The following HSD17B4 variants were observed in gnomAD, a reference collection of about 807,000 sequenced individuals.
HSD17B4 encodes the protein hydroxysteroid 17-beta dehydrogenase 4, also known as peroxisomal multifunctional enzyme type 2.
HSD17B4 carries 70 observed loss-of-function variants against 101.0 expected under a neutral mutation model. The observed-to-expected ratio is 0.69, with a 90% CI of 0.57 to 0.85. HSD17B4 has a LOEUF of 0.85. HSD17B4 is among the 40% of genes least tolerant of loss of function. The pLI is 0.00. For missense variants in HSD17B4, 984 were observed against 892.4 expected, an observed-to-expected ratio of 1.10 and a Z score of -1.31; for synonymous variants, 347 against 297.1, an observed-to-expected ratio of 1.17 and a Z score of -1.73.
At chr5:119,538,875 A>G (rs748809631) in intron 23 of HSD17B4, among the ~76,000 whole-genome samples, 1 of 152,258 alleles carries the variant, frequency 6.6e-6, no homozygotes, top group Non-Finnish European at 1.5e-5. Context: ...ACAGGCTTTA[A>G]TTATTTGTTT....
intron 1 of HSD17B4, among the ~76,000 whole-genome samples, chr5:119,453,549 T>C (rs928956889): frequency 6.6e-6 from 1 of 152,250 alleles, no homozygotes; most frequent in African/African-American, 2.4e-5. Flanking sequence ...TATGCACCTT[T>C]GATTCTCCAC....
intron 22 of HSD17B4, among the ~76,000 whole-genome samples, chr5:119,533,810 A>G (rs1427379060): frequency 6.6e-6 from 1 of 152,238 alleles, no homozygotes; most frequent in South Asian, 2.1e-4. Flanking sequence ...GCAGGAAGAA[A>G]ATGGAAGGAA....
chr5:119,497,482 C>G (rs2945327), intron 12 of HSD17B4, among the ~76,000 whole-genome samples: 59,470 of 151,946 alleles, frequency 0.39, 13,313 homozygotes, highest in East Asian at 0.5. Flanking sequence ...TTTAAATTGA[C>G]TTTAAGTAGA....
At chr5:119,492,037 T>G in intron 9 of HSD17B4, 63 bp from the exon 10 acceptor site, 1 of 1,367,290 alleles carries the variant, frequency 7.3e-7, no homozygotes, top group Non-Finnish European at 1.0e-6. Flanking sequence ...TTTTTCTAAT[T>G]AAAACAATTG....
At chr5:119,463,433 A>G (rs1755464577) in intron 2 of HSD17B4, among the ~76,000 whole-genome samples, 1 of 151,194 alleles carries the variant, frequency 6.6e-6, no homozygotes, top group Non-Finnish European at 1.5e-5. Flanking sequence ...TAACCTCCAT[A>G]CTATTTTCCA....
chr5:119,479,367 T>C (rs1748902082), intron 8 of HSD17B4, among the ~76,000 whole-genome samples: 2 of 152,136 alleles, frequency 1.3e-5, no homozygotes, highest in Non-Finnish European at 2.9e-5. Context: ...TACAGAAAAA[T>C]TGTACAGAGA....
At chr5:119,501,159 A>G (rs1464056905) in intron 13 of HSD17B4, among the ~76,000 whole-genome samples, 3 of 152,134 alleles carry the variant, frequency 2.0e-5, no homozygotes, top group Non-Finnish European at 4.4e-5. Context: ...CAAATGTTTC[A>G]AAATTCCCCC....
chr5:119,488,397 G>A (rs1749798187), intron 8 of HSD17B4, among the ~76,000 whole-genome samples: 1 of 152,008 alleles, frequency 6.6e-6, no homozygotes, highest in Non-Finnish European at 1.5e-5. Context: ...TTAGATAGAA[G>A]GAATAAATTC....
At chr5:119,460,223 G>C (rs1256725839) in intron 2 of HSD17B4, among the ~76,000 whole-genome samples, 1 of 152,280 alleles carries the variant, frequency 6.6e-6, no homozygotes, top group Admixed American at 6.5e-5. Context: ...ATTTCAATGT[G>C]AGTTTTGGAG....
intron 18 of HSD17B4, chr5:119,525,591 A>G (rs934789906): frequency 3.9e-6 from 2 of 511,592 alleles, no homozygotes; most frequent in Non-Finnish European, 7.0e-6. Context: ...AGGAACTGAA[A>G]GGTTAGGGAA....
At chr5:119,507,058 A>G (rs1751717704) in intron 15 of HSD17B4, among the ~76,000 whole-genome samples, 169 bp downstream of exon 15, 1 of 152,194 alleles carries the variant, frequency 6.6e-6, no homozygotes, top group African/African-American at 2.4e-5. Flanking sequence ...AAGGAGGGGG[A>G]GAAGCATTTA....
intron 17 of HSD17B4, among the ~76,000 whole-genome samples, chr5:119,523,771 A>T (rs1198199328): frequency 6.6e-6 from 1 of 152,190 alleles, no homozygotes; most frequent in African/African-American, 2.4e-5. Context: ...TTTATCAAAG[A>T]TAATACCTTG....
At chr5:119,485,663 TA>T (rs1749552906) in intron 8 of HSD17B4, among the ~76,000 whole-genome samples, 1 of 152,206 alleles carries the variant, frequency 6.6e-6, no homozygotes, top group African/African-American at 2.4e-5. Context: ...AAGAACCAGA[TA>T]TTATGAGTAA....
chr5:119,475,001 C>T (rs1462445997), intron 4 of HSD17B4, among the ~76,000 whole-genome samples: 2 of 152,106 alleles, frequency 1.3e-5, no homozygotes, highest in Non-Finnish European at 2.9e-5. Context: ...TAGATGGAGA[C>T]ATCACGGAAC....
intron 14 of HSD17B4, 40 bp downstream of exon 14, chr5:119,502,132 T>C (rs936063233): frequency 1.6e-6 from 2 of 1,277,442 alleles, no homozygotes; most frequent in Admixed American, 1.7e-5. Context: ...ACCATACTTT[T>C]ATTTCCAGAT....
intron 6 of HSD17B4, chr5:119,476,588 T>C: frequency 2.0e-6 from 2 of 985,246 alleles, no homozygotes; most frequent in Middle Eastern, 5.2e-4. Context: ...GTCTTTGATT[T>C]AGAATTAAGC....
chr5:119,481,065 T>C (rs2126711297), intron 8 of HSD17B4, among the ~76,000 whole-genome samples: 1 of 152,294 alleles, frequency 6.6e-6, no homozygotes, highest in Middle Eastern at 3.4e-3. Flanking sequence ...GTGCAGTTAA[T>C]GCAATTATCA....
chr5:119,452,996 C>A (rs1319296186), intron 1 of HSD17B4, among the ~76,000 whole-genome samples: 2 of 152,234 alleles, frequency 1.3e-5, no homozygotes, highest in Non-Finnish European at 2.9e-5. Flanking sequence ...TTTGCCTAGT[C>A]TTTTAAAGGA....
chr5:119,540,527 A>G (rs1754903756), intron 23 of HSD17B4, among the ~76,000 whole-genome samples: 1 of 152,224 alleles, frequency 6.6e-6, no homozygotes, highest in Non-Finnish European at 1.5e-5. Flanking sequence ...AGTTTAGTAC[A>G]TAGCAGGCTG....
Sources: allele counts gnomAD v4.1 joint callset (sites outside exome capture counted in the v4.1 genomes callset), GRCh38; gene constraint gnomAD v4.1.1; transcripts MANE v1.5; gene names NCBI Gene and HGNC (gene_info 2026-07-23, HGNC 2026-07-21).